The following PCDHA2 variants were observed in gnomAD, a reference collection of about 807,000 sequenced individuals.
PCDHA2 encodes protocadherin alpha-2.
Under a neutral mutation model 66.0 loss-of-function variants are expected in PCDHA2, and 58 were observed. The observed-to-expected ratio is 0.88, with a 90% CI of 0.71 to 1.09. The LOEUF is 1.09. Among genes scored for constraint, PCDHA2 ranks in the 50% least tolerant of loss-of-function variants. The pLI, the probability that PCDHA2 is intolerant of heterozygous loss-of-function variation, is 0.00. For synonymous variants in PCDHA2, 634 were observed against 554.0 expected (o/e 1.14, Z -2.03); for missense variants, 1,267 against 1,242.3 (o/e 1.02, Z -0.30).
intron 1 of PCDHA2, chr5:140,878,069 T>C: frequency 5.3e-6 from 2 of 379,294 alleles, no homozygotes; most frequent in East Asian, 5.0e-5. Flanking sequence ...ATATTTTTCT[T>C]TTTCTATAAT....
intron 1 of PCDHA2, chr5:140,801,856 C>A: frequency 6.2e-7 from 1 of 1,614,008 alleles, no homozygotes; most frequent in Non-Finnish European, 8.5e-7. Flanking sequence ...GGTGGGAAAC[C>A]AGAGCTCACT....
chr5:140,836,877 C>A, intron 1 of PCDHA2: 1 of 682,570 alleles, frequency 1.5e-6, no homozygotes, highest in Non-Finnish European at 2.3e-6. Flanking sequence ...GCTGTATTTG[C>A]ACTAATTATT....
At chr5:140,897,656 C>T (rs2153457504) in intron 1 of PCDHA2, among the ~76,000 whole-genome samples, 1 of 152,200 alleles carries the variant, frequency 6.6e-6, no homozygotes, top group Non-Finnish European at 1.5e-5. Flanking sequence ...CATACGTGTG[C>T]ATGTGTCTTT....
chr5:140,926,890 A>C, intron 1 of PCDHA2: 2 of 1,543,874 alleles, frequency 1.3e-6, no homozygotes, highest in Non-Finnish European at 1.7e-6. Context: ...GCCTAGAGGG[A>C]GGATGGTGGG....
At position 140,990,371 on chromosome 5, in the gene PCDHA2, A is replaced by G. The variant is rs570757505; in HGVS notation, c.2536+7808A>G. Reference sequence around the variant, plus strand: ...CCTGTACAGAAAATCTAATAAAGCAAATTTGTTGGTGATGTTCCAAGAAGG... The same window carrying G: ...CCTGTACAGAAAATCTAATAAAGCAGATTTGTTGGTGATGTTCCAAGAAGG... On this transcript the variant is annotated intron_variant, in intron 3 of 3. Coordinates refer to ENST00000526136, the MANE Select transcript of PCDHA2 (RefSeq NM_018905.3). 7.2e-5 allele frequency among the ~76,000 whole-genome samples: 11 copies of G among 152,154 alleles called. No homozygotes were observed. The East Asian group carries it at 1.9e-3, about 27-fold the overall frequency.
intron 1 of PCDHA2, among the ~76,000 whole-genome samples, chr5:140,939,059 T>C (rs2092309221): frequency 6.6e-6 from 1 of 152,234 alleles, no homozygotes; most frequent in Non-Finnish European, 1.5e-5. Flanking sequence ...TTTGGGCTGC[T>C]ATATCAAAAT....
At chr5:141,004,362 C>T (rs1357216048) in intron 3 of PCDHA2, among the ~76,000 whole-genome samples, 1 of 152,186 alleles carries the variant, frequency 6.6e-6, no homozygotes, top group Non-Finnish European at 1.5e-5. Flanking sequence ...AGAGACCACA[C>T]CTTGTTCTGC....
intron 1 of PCDHA2, among the ~76,000 whole-genome samples, chr5:140,943,465 GA>G (rs1412044069): frequency 6.6e-6 from 1 of 152,022 alleles, no homozygotes. Flanking sequence ...CTAAATGTGG[GA>G]GATACAGTAA....
intron 1 of PCDHA2, among the ~76,000 whole-genome samples, chr5:140,937,688 G>A (rs112584533): frequency 0.018 from 2,711 of 151,860 alleles, 77 homozygotes; most frequent in African/African-American, 0.063. Context: ...TGAGGCAGGC[G>A]GATCACGAGG....
At chr5:140,829,882 T>G (rs2150176879) in intron 1 of PCDHA2, 871,135 of 1,613,724 alleles carry the variant, frequency 0.54, 237,229 homozygotes, top group African/African-American at 0.72. Flanking sequence ...TGCGCGCAGT[T>G]GACGCCGACT....
chr5:140,822,213 G>T lies in PCDHA2; in HGVS notation c.2388+24861G>T, dbSNP rs2150114567. The T allele has an allele frequency of 2.1e-3, 3,442 of 1,614,222 alleles. 3 individuals are homozygous for T. The highest frequency in any genetic ancestry group is 2.7e-3 in the Non-Finnish European group (3,134 of 1,180,036). ...GATTATTCATTTTAGAGTCAAGAAT[G>T]CCAGATTCGCGGTTTCCGCTAGAGG... On this transcript the variant is annotated intron_variant, in intron 1 of 3. Coordinates refer to ENST00000526136, the MANE Select transcript of PCDHA2 (RefSeq NM_018905.3).
Position 140,802,045 on chromosome 5 carries a change from C to T in PCDHA2, c.2388+4693C>T, listed in dbSNP as rs781990436. Reference sequence around the variant, plus strand: ...AAGGATATCGCGTATTCTTTCAATACGGACATGTCAGCAGATATTCTGTCA... The same window carrying T: ...AAGGATATCGCGTATTCTTTCAATATGGACATGTCAGCAGATATTCTGTCA... On this transcript the variant is annotated intron_variant, in intron 1 of 3. Coordinates refer to ENST00000526136, the MANE Select transcript of PCDHA2 (RefSeq NM_018905.3). The T allele has an allele frequency of 1.2e-5, 20 of 1,614,022 alleles. No individual in the cohort carries two copies. The East Asian group carries it at 3.8e-4, about 31-fold the overall frequency.
chr5:140,866,808 G>C (rs995846650), intron 1 of PCDHA2: 1 of 152,114 alleles, frequency 6.6e-6, no homozygotes, highest in East Asian at 1.9e-4. Context: ...CAGGCACAAA[G>C]TTCCTTAATC....
intron 1 of PCDHA2, chr5:140,804,946 T>A (rs1442293492): frequency 7.9e-6 from 10 of 1,271,424 alleles, no homozygotes; most frequent in African/African-American, 1.5e-5. Context: ...GTTGCTCCCT[T>A]GTCCATGAAG....
chr5:140,992,116 T>A (rs1279382326), intron 3 of PCDHA2, among the ~76,000 whole-genome samples: 1 of 151,688 alleles, frequency 6.6e-6, no homozygotes, highest in Non-Finnish European at 1.5e-5. Context: ...AGATGTGTCA[T>A]GGAAGAACAG....
At chr5:140,801,042 GAAAT>G in intron 1 of PCDHA2, 1 of 1,433,662 alleles carries the variant, frequency 7.0e-7, no homozygotes, top group Non-Finnish European at 9.1e-7. Context: ...CTCCACAAAA[GAAAT>G]AACAGCGTGC....
At chr5:140,849,348 G>A (rs1426659578) in intron 1 of PCDHA2, 2 of 1,434,152 alleles carry the variant, frequency 1.4e-6, no homozygotes, top group Non-Finnish European at 9.5e-7. Flanking sequence ...CTCCAGTGAT[G>A]TTTCTCCAGA....
chr5:140,913,518 A>G (rs1375122197), intron 1 of PCDHA2, among the ~76,000 whole-genome samples: 2 of 151,902 alleles, frequency 1.3e-5, no homozygotes, highest in Non-Finnish European at 2.9e-5. Context: ...AATTTTATTT[A>G]TCTTTTCAAA....
chr5:140,834,408 C>T, intron 1 of PCDHA2: 1 of 1,610,114 alleles, frequency 6.2e-7, no homozygotes, highest in Non-Finnish European at 8.5e-7. Flanking sequence ...TGGATACGAC[C>T]CAGGGGGCCG....
Sources: allele counts gnomAD v4.1 joint callset (sites outside exome capture counted in the v4.1 genomes callset), GRCh38; gene constraint gnomAD v4.1.1; transcripts MANE v1.5; gene names NCBI Gene and HGNC (gene_info 2026-07-23, HGNC 2026-07-21).